RCCD1: variants seen among roughly 807,000 people sequenced by gnomAD.
The protein encoded by RCCD1 is RCC1 domain containing 1, also known as RCC1 domain-containing protein 1.
A neutral mutation model predicts 37.6 loss-of-function variants in RCCD1; 40 were observed. The ratio of observed to expected loss-of-function variants is 1.06; its 90% CI spans 0.83 to 1.39. The LOEUF (loss-of-function observed/expected upper bound fraction) is 1.39. Among genes scored for constraint, RCCD1 ranks in the 40% most tolerant of loss-of-function variants. The pLI is 0.00. For synonymous variants in RCCD1, 263 were observed against 230.0 expected, an observed-to-expected ratio of 1.14 and a Z score of -1.30; for missense variants, 577 against 517.3, an observed-to-expected ratio of 1.12 and a Z score of -1.12.
chr15:90,957,889 G>A (rs748270585), intron 4 of RCCD1, among the ~76,000 whole-genome samples, 164 bp downstream of exon 4: 12 of 152,292 alleles, frequency 7.9e-5, no homozygotes, highest in Non-Finnish European at 1.8e-4. Context: ...GGCCTCCTCT[G>A]CCTGCACCAT....
Position 90,957,635 on chromosome 15 carries a change from G to A in RCCD1, c.589G>A (p.Ala197Thr), listed in dbSNP as rs1481455365. The change falls in exon 4 of 8, where the codon GCA (alanine) becomes ACA (threonine). Residue 197 changes from alanine (A) to threonine (T), a missense_variant. Transcript: ENST00000394258. ...ACAGCTGGGCCATGGGACCCTGGAG[G>A]CAGAGCTGGAGCCACGGCTGTTGGA... ...HGQLGHGTLE[A>T]ELEPRLLEAL... is the part of the protein sequence containing the mutation. The A allele has an allele frequency of 1.2e-6, 2 of 1,614,204 alleles. No individual in the cohort carries two copies. The highest frequency in any genetic ancestry group is 2.2e-5 in the East Asian group (1 of 44,882).
rs2037278952 is a variant in RCCD1, at chr15:90,959,896, T to C, written c.680-4T>C. 2.5e-6 allele frequency: 4 copies of C among 1,606,692 alleles called. No homozygotes were observed. The highest frequency in any genetic ancestry group is 2.6e-6 in the Non-Finnish European group (3 of 1,174,572). ...GTTTCATGTGTCCCCTTGATCTCTT[T>C]CAGAGACTGGGGATATTTATATCTG... On this transcript the variant is annotated splice_polypyrimidine_tract_variant and splice_region_variant and intron_variant, in intron 4 of 7. Coordinates refer to ENST00000394258, the MANE Select transcript of RCCD1 (RefSeq NM_001017919.2).
At chr15:90,959,004 A>AGCCC (rs1211978488) in intron 4 of RCCD1, among the ~76,000 whole-genome samples, 1 of 151,862 alleles carries the variant, frequency 6.6e-6, no homozygotes. Flanking sequence ...GGCTGGAAAC[A>AGCCC]GCCCAGTGGG....
rs767937488 is a variant in RCCD1 at position 90,956,704 on chromosome 15, G to A, written c.-31G>A. 2.0e-5 allele frequency: 25 copies of A among 1,263,656 alleles called. No homozygotes were observed. The African/African-American group carries it at 3.5e-4, about 18-fold the overall frequency. 78.3% of individuals were successfully genotyped at this position (1,263,656 alleles called of 1,614,324 possible). ...AATCCCCCCGGGCCCGCCGCAGCCA[G>A]GCGGCGGCCGGCAGAGGGCGCTGCT... On this transcript the variant is annotated 5_prime_UTR_variant, in exon 2 of 8. Coordinates refer to ENST00000394258, the MANE Select transcript of RCCD1 (RefSeq NM_001017919.2).
Position 90,956,725 on chromosome 15 carries a change from C to T in RCCD1, c.-10C>T. ...GCCAGGCGGCGGCCGGCAGAGGGCG[C>T]TGCTCGGGCATGGCGGAGGAGCGGC... On this transcript the variant is annotated 5_prime_UTR_variant, in exon 2 of 8. Coordinates refer to ENST00000394258, the MANE Select transcript of RCCD1 (RefSeq NM_001017919.2). 7.7e-7 allele frequency: 1 copy of T among 1,290,558 alleles called. No individual in the cohort carries two copies. Among genetic ancestry groups the T allele is most frequent in the Middle Eastern group, 2.7e-4 (1 of 3,686 alleles). The allele number at this position is 1,290,558 out of a possible 1,614,324, so 79.9% of individuals were successfully genotyped here. A position where few individuals can be genotyped will look rare whatever the true frequency, so the allele number is the denominator to read the frequency against.
rs1371073973 is a variant in RCCD1 at position 90,962,655 on chromosome 15, G to C, written c.*886G>C. ...ACCTGTAGTCCCAGCACTTTGGGAG[G>C]CTAAGCAGGGAGATTGCTTGAGGCG... On this transcript the variant is annotated 3_prime_UTR_variant, in exon 8 of 8. Coordinates refer to ENST00000394258, the MANE Select transcript of RCCD1 (RefSeq NM_001017919.2). 1 of 152,230 alleles carries C rather than the reference G, an allele frequency of 6.6e-6. No homozygotes were observed. Among genetic ancestry groups the C allele is most frequent in the South Asian group, 2.1e-4 (1 of 4,828 alleles). The allele number at this position is 152,230 out of a possible 1,614,324, so 9.4% of individuals were successfully genotyped here. A position where few individuals can be genotyped will look rare whatever the true frequency, so the allele number is the denominator to read the frequency against.
At chr15:90,961,480 T>A (rs1463099064) in intron 7 of RCCD1, 138 bp from the exon 8 acceptor site, 6 of 1,045,500 alleles carry the variant, frequency 5.7e-6, no homozygotes, top group Non-Finnish European at 8.1e-6. Flanking sequence ...CAAGGTTGCC[T>A]GGCTCTGGGT....
Position 90,961,721 on chromosome 15 carries a change from TGG to T in RCCD1, c.1085_1086del (p.Gly362AlafsTer61). ...AACTCCAAGTAAAGGCTGTCACCTG[TGG>T]GCCGTGGAACACCTACGTGTATGCT... Reference protein sequence around the residue: ...KQLQVKAVTCGPWNTYVYAVE... With the variant: ...KQLQVKAVTCXPWNTYVYAVE... On this transcript the variant is annotated frameshift_variant, in exon 8 of 8. Transcript: ENST00000394258. LOFTEE classifies it high-confidence loss of function. 6.2e-7 allele frequency: 1 copy of T among 1,614,152 alleles called. No individual in the cohort carries two copies. Among genetic ancestry groups the T allele is most frequent in the Non-Finnish European group, 8.5e-7 (1 of 1,180,020 alleles).
At position 90,956,676 on chromosome 15, in the gene RCCD1, A is replaced by G. The variant is rs1465068867; in HGVS notation, c.-59A>G. 8.1e-7 allele frequency: 1 copy of G among 1,238,480 alleles called. No homozygotes were observed. Among genetic ancestry groups the G allele is most frequent in the East Asian group, 3.1e-5 (1 of 31,822 alleles). 76.7% of individuals were successfully genotyped at this position (1,238,480 alleles called of 1,614,324 possible). ...AGTGTCCCACTAGCGGGCTCTTCGC[A>G]AGAATCCCCCCGGGCCCGCCGCAGC... On this transcript the variant is annotated 5_prime_UTR_variant, in exon 2 of 8. Transcript: ENST00000394258.
Position 90,956,822 on chromosome 15 carries a change from C to A in RCCD1, c.88C>A (p.His30Asn). The A allele has an allele frequency of 7.7e-7, 1 of 1,306,934 alleles. No individual in the cohort carries two copies. The highest frequency in any genetic ancestry group is 9.7e-7 in the Non-Finnish European group (1 of 1,028,242). 81.0% of individuals were successfully genotyped at this position (1,306,934 alleles called of 1,614,324 possible). ...GGGCTCCGGACGCGGGCGCCAGGTG[C>A]ACAGCCCCAGTCCGCTGCGGGCGGG... is the stretch of plus-strand genomic sequence containing the variant. Reference protein sequence around the residue: ...ELGSGRGRQVHSPSPLRAGVD... With the variant: ...ELGSGRGRQVNSPSPLRAGVD... Residue 30 changes from histidine (H) to asparagine (N), a missense_variant, in exon 2 of 8, where the codon CAC becomes AAC. Coordinates refer to ENST00000394258, the MANE Select transcript of RCCD1 (RefSeq NM_001017919.2).
chr15:90,959,126 T>TG (rs2037264012), intron 4 of RCCD1, among the ~76,000 whole-genome samples: 1 of 152,100 alleles, frequency 6.6e-6, no homozygotes, highest in Non-Finnish European at 1.5e-5. Flanking sequence ...GCTCGGGCCC[T>TG]GGGACCTCGG....
At chr15:90,959,858 G>A (rs369101925) in intron 4 of RCCD1, 42 bp from the exon 5 acceptor site, 119 of 1,451,388 alleles carry the variant, frequency 8.2e-5, no homozygotes, top group Non-Finnish European at 1.1e-4. Context: ...TGGATGCAGG[G>A]GCTTCACAGT....
chr15:90,957,744 C>T lies in RCCD1; in HGVS notation c.679+19C>T. 2 of 1,585,096 alleles carry T rather than the reference C, an allele frequency of 1.3e-6. No individual in the cohort carries two copies. Among genetic ancestry groups the T allele is most frequent in the Non-Finnish European group, 8.6e-7 (1 of 1,163,308 alleles). ...GTGAGTGGTGAGTGACTTAGTGCTT[C>T]TCCAGACGAGCTCATGATCTTGTGC... is the stretch of plus-strand genomic sequence containing the variant. On this transcript the variant is annotated intron_variant, in intron 4 of 7. Transcript: ENST00000394258.
chr15:90,959,441 G>T (rs1852597873), intron 4 of RCCD1, among the ~76,000 whole-genome samples: 1 of 152,210 alleles, frequency 6.6e-6, no homozygotes, highest in African/African-American at 2.4e-5. Context: ...GCACAGGCCG[G>T]CCCAGTGGTT....
chr15:90,955,107 C>T (rs2037140678), intron 1 of RCCD1, 159 bp downstream of exon 1: 2 of 151,484 alleles, frequency 1.3e-5, no homozygotes, highest in Non-Finnish European at 2.9e-5. Flanking sequence ...TGGTCCAACG[C>T]CCCCGGTTTC....
Position 90,958,958 on chromosome 15 carries a change from A to C in RCCD1, c.680-942A>C, listed in dbSNP as rs911345273. Among the ~76,000 whole-genome samples, 24 of 151,274 alleles carry C rather than the reference A, an allele frequency of 1.6e-4. 1 individual carries two copies. The highest frequency in any genetic ancestry group is 2.8e-4 in the Non-Finnish European group (19 of 67,812). On this transcript the variant is annotated intron_variant, in intron 4 of 7. Coordinates refer to ENST00000394258, the MANE Select transcript of RCCD1 (RefSeq NM_001017919.2). ...GTCTAAAAAAAAAAAAAAAACAAAAAAAAAAAACCCCAACCTTGGGCTGGA... is the reference window on the plus strand; with the variant it reads ...GTCTAAAAAAAAAAAAAAAACAAAACAAAAAAACCCCAACCTTGGGCTGGA...
intron 4 of RCCD1, 88 bp downstream of exon 4, chr15:90,957,813 G>C: frequency 6.7e-7 from 1 of 1,481,486 alleles, no homozygotes; most frequent in Non-Finnish European, 9.1e-7. Flanking sequence ...GGCCTACCCA[G>C]GCCTCCTTCC....
intron 4 of RCCD1, among the ~76,000 whole-genome samples, chr15:90,959,152 C>G (rs960861440): frequency 6.6e-6 from 1 of 152,078 alleles, no homozygotes. Flanking sequence ...GTACTTAACC[C>G]CCTCTGTGCC....
intron 4 of RCCD1, among the ~76,000 whole-genome samples, chr15:90,958,936 TAAAA>T (rs3036308): frequency 1.7e-4 from 18 of 107,796 alleles, no homozygotes; most frequent in Non-Finnish European, 2.7e-4. Context: ...TCTGTCTGTC[TAAAA>T]AAAAAAAAAA....
Sources: allele counts gnomAD v4.1 joint callset (sites outside exome capture counted in the v4.1 genomes callset), GRCh38; gene constraint gnomAD v4.1.1; transcripts MANE v1.5; gene names NCBI Gene and HGNC (gene_info 2026-07-23, HGNC 2026-07-21).